Variants in CLEC7A observed in about 807,000 individuals in gnomAD.
CLEC7A encodes the protein C-type lectin domain family 7 member A.
Under a neutral mutation model 26.9 loss-of-function variants are expected in CLEC7A, and 25 were observed. That is an observed-to-expected ratio of 0.93 (90% CI 0.68 to 1.30). CLEC7A has a LOEUF of 1.30. Among genes scored for constraint, CLEC7A ranks in the 50% most tolerant of loss-of-function variants. The pLI is 0.00. For synonymous variants in CLEC7A, 100 were observed against 99.5 expected, an observed-to-expected ratio of 1.01 and a Z score of -0.03; for missense variants, 275 against 286.7, an observed-to-expected ratio of 0.96 and a Z score of 0.29.
At chr12:10,123,910 T>C (rs893887254) in intron 4 of CLEC7A, among the ~76,000 whole-genome samples, 3 of 152,242 alleles carry the variant, frequency 2.0e-5, no homozygotes, top group Non-Finnish European at 4.4e-5. Context: ...AATAGATTTG[T>C]AATGTGAGGA....
chr12:10,124,609 T>A (rs1161568286), intron 4 of CLEC7A: 1 of 152,192 alleles, frequency 6.6e-6, no homozygotes, highest in Admixed American at 6.5e-5. Context: ...TTTCCCAGTA[T>A]CTTGCAAAGA....
chr12:10,118,652 C>A (rs118133305), intron 5 of CLEC7A, 62 bp from the exon 6 acceptor site: 1 of 1,392,758 alleles, frequency 7.2e-7, no homozygotes, highest in South Asian at 1.3e-5. Flanking sequence ...GTCTACATGG[C>A]GCACAAATAA....
chr12:10,127,645 A>G (rs1364154064), intron 2 of CLEC7A, 102 bp downstream of exon 2: 1 of 971,964 alleles, frequency 1.0e-6, no homozygotes, highest in East Asian at 2.6e-5. Context: ...ATTATATACA[A>G]ATTAAAGTAG....
chr12:10,128,858 G>A (rs1229402621), intron 1 of CLEC7A, among the ~76,000 whole-genome samples: 1 of 152,196 alleles, frequency 6.6e-6, no homozygotes, highest in East Asian at 1.9e-4. Flanking sequence ...TATTTGTGCA[G>A]TGTGAATAAC....
At chr12:10,126,911 T>G in intron 2 of CLEC7A, 2 of 575,202 alleles carry the variant, frequency 3.5e-6, no homozygotes, top group South Asian at 6.3e-5. Flanking sequence ...AAAGGAGGTA[T>G]AGTAAAAAAA....
Position 10,126,553 on chromosome 12 carries a change from C to T in CLEC7A, c.340+18G>A, listed in dbSNP as rs1948291069. ...AACCCTCTTGAGTCAAGATTCCGTCCTTTAACTATGCCCTTGCCTGTGGTT... is the reference window on the plus strand; with the variant it reads ...AACCCTCTTGAGTCAAGATTCCGTCTTTTAACTATGCCCTTGCCTGTGGTT... On this transcript the variant is annotated intron_variant, in intron 3 of 5. Transcript: ENST00000304084. 6.3e-7 allele frequency: 1 copy of T among 1,596,044 alleles called. No individual in the cohort carries two copies. The highest frequency in any genetic ancestry group is 1.8e-5 in the Admixed American group (1 of 56,734).
intron 4 of CLEC7A, among the ~76,000 whole-genome samples, chr12:10,124,404 C>CCTT (rs1459999407): frequency 6.6e-6 from 1 of 152,100 alleles, no homozygotes; most frequent in Non-Finnish European, 1.5e-5. Context: ...GAAGCTCTAC[C>CCTT]CTTCATTCAT....
At position 10,118,719 on chromosome 12, in the gene CLEC7A, G is replaced by A; in HGVS notation, c.612-129C>T. 6.9e-6 allele frequency: 5 copies of A among 719,638 alleles called. No individual in the cohort carries two copies. The South Asian group carries it at 1.1e-4, about 16-fold the overall frequency. 44.6% of individuals were successfully genotyped at this position (719,638 alleles called of 1,614,324 possible). On this transcript the variant is annotated intron_variant, in intron 5 of 5. Coordinates refer to ENST00000304084, the MANE Select transcript of CLEC7A (RefSeq NM_197947.3). ...AAGTGTTTCTATTATTGGAAAAGGAGGCTTAAATCTAAATTGTTGTGAATC... is the reference window on the plus strand; with the variant it reads ...AAGTGTTTCTATTATTGGAAAAGGAAGCTTAAATCTAAATTGTTGTGAATC...
chr12:10,126,867 A>G, intron 2 of CLEC7A, 159 bp from the exon 3 acceptor site: 1 of 663,966 alleles, frequency 1.5e-6, no homozygotes, highest in Admixed American at 3.5e-5. Flanking sequence ...AAGACGATTG[A>G]TAGAATAGAT....
intron 4 of CLEC7A, 106 bp downstream of exon 4, chr12:10,125,191 A>AG (rs2137442016): frequency 8.7e-7 from 1 of 1,146,192 alleles, no homozygotes; most frequent in East Asian, 2.4e-5. Context: ...AAAAAAAAAA[A>AG]AAAAAAAAGA....
At chr12:10,123,767 C>CAAAAAAAAAAAAAAAAAA (rs372400404) in intron 4 of CLEC7A, among the ~76,000 whole-genome samples, 1 of 124,690 alleles carries the variant, frequency 8.0e-6, no homozygotes, top group African/African-American at 4.5e-5. Flanking sequence ...GACTCCGTCT[C>CAAAAAAAAAAAAAAAAAA]AAAAAAAAAA....
At chr12:10,126,130 C>G in intron 3 of CLEC7A, 1 of 962,312 alleles carries the variant, frequency 1.0e-6, no homozygotes, top group South Asian at 4.8e-5. Context: ...TTTAATATAG[C>G]TTCCTTATTC....
At chr12:10,119,067 CTGTATA>C (rs1947997876) in intron 5 of CLEC7A, among the ~76,000 whole-genome samples, 1 of 152,122 alleles carries the variant, frequency 6.6e-6, no homozygotes, top group Non-Finnish European at 1.5e-5. Context: ...GCAAACAACT[CTGTATA>C]TTTTAATGTA....
intron 2 of CLEC7A, 126 bp from the exon 3 acceptor site, chr12:10,126,834 T>C: frequency 1.3e-6 from 1 of 779,592 alleles, no homozygotes; most frequent in Non-Finnish European, 2.0e-6. Flanking sequence ...GATAAATAGA[T>C]GATATATTGC....
rs551343307 is a variant in CLEC7A, at chr12:10,123,743, G to A, written c.493-380C>T. Among the ~76,000 whole-genome samples the A allele has an allele frequency of 2.4e-5, 3 of 122,790 alleles. No homozygotes were observed. The South Asian group carries it at 7.3e-4, about 30-fold the overall frequency. 80.6% of individuals were successfully genotyped at this position (122,790 alleles called of 152,430 possible). ...GCCACTGCAGTCCGCAGTCCGGCCTGGGCGACAGAGCGAGACTCCGTCTCA... is the reference window on the plus strand; with the variant it reads ...GCCACTGCAGTCCGCAGTCCGGCCTAGGCGACAGAGCGAGACTCCGTCTCA... On this transcript the variant is annotated intron_variant, in intron 4 of 5. Transcript: ENST00000304084.
At chr12:10,122,152 CCTA>C (rs1186908569) in intron 5 of CLEC7A, among the ~76,000 whole-genome samples, 1 of 152,004 alleles carries the variant, frequency 6.6e-6, no homozygotes, top group Non-Finnish European at 1.5e-5. Flanking sequence ...GAACGGTACT[CCTA>C]CTGAGACAGA....
chr12:10,126,965 GA>G, intron 2 of CLEC7A: 1 of 1,056,724 alleles, frequency 9.5e-7, no homozygotes, highest in Non-Finnish European at 1.3e-6. Flanking sequence ...GAAATAGAAT[GA>G]GGGAGGCAGC....
chr12:10,123,757 G>C (rs1948180073), intron 4 of CLEC7A, among the ~76,000 whole-genome samples: 1 of 69,352 alleles, frequency 1.4e-5, no homozygotes, highest in African/African-American at 1.4e-4. Context: ...GACAGAGCGA[G>C]ACTCCGTCTC....
chr12:10,127,467 A>G (rs991600129), intron 2 of CLEC7A: 31 of 1,611,788 alleles, frequency 1.9e-5, no homozygotes, highest in Non-Finnish European at 2.5e-5. Context: ...TAGGAGAGCA[A>G]TGTAGTTAAG....
Sources: gnomAD v4.1 joint callset for allele counts (sites outside exome capture counted in the v4.1 genomes callset) on GRCh38, gnomAD v4.1.1 for gene constraint, MANE v1.5 for transcripts, NCBI Gene and HGNC (gene_info 2026-07-23, HGNC 2026-07-21) for gene names.